The following AUTS2 variants were observed in gnomAD, a reference collection of about 807,000 sequenced individuals.
AUTS2 encodes the protein autism susceptibility gene 2 protein.
A neutral mutation model predicts 112.4 loss-of-function variants in AUTS2; 17 were observed. The ratio of observed to expected loss-of-function variants is 0.15; its 90% CI spans 0.10 to 0.23. The LOEUF (loss-of-function observed/expected upper bound fraction) is 0.23. AUTS2 is among the 10% of genes least tolerant of loss of function. The pLI, the probability that AUTS2 is intolerant of heterozygous loss-of-function variation, is 1.00. For missense variants in AUTS2, 1,510 were observed against 1,701.6 expected, an observed-to-expected ratio of 0.89 and a Z score of 1.98; for synonymous variants, 751 against 702.7, an observed-to-expected ratio of 1.07 and a Z score of -1.09.
intron 1 of AUTS2, among the ~76,000 whole-genome samples, chr7:69,770,413 G>C (rs1788609733): frequency 6.6e-6 from 1 of 152,170 alleles, no homozygotes; most frequent in African/African-American, 2.4e-5. Context: ...GAGTTCACAT[G>C]ATGGGTCGGT....
intron 4 of AUTS2, among the ~76,000 whole-genome samples, chr7:70,393,314 C>A (rs899010161): frequency 6.6e-6 from 1 of 152,266 alleles, no homozygotes; most frequent in South Asian, 2.1e-4. Flanking sequence ...AGATTCCCAG[C>A]GCATGTGTGC....
At chr7:70,364,936 C>G (rs1792498182) in intron 4 of AUTS2, among the ~76,000 whole-genome samples, 1 of 152,184 alleles carries the variant, frequency 6.6e-6, no homozygotes, top group Non-Finnish European at 1.5e-5. Flanking sequence ...TGGCACATAT[C>G]TCTCAGCAGT....
intron 1 of AUTS2, among the ~76,000 whole-genome samples, chr7:69,633,645 G>A (rs1794379145): frequency 6.6e-6 from 1 of 152,072 alleles, no homozygotes; most frequent in Admixed American, 6.5e-5. Context: ...TGTCCTAATG[G>A]GTGTGTAGTG....
At chr7:70,388,492 T>A (rs946681631) in intron 4 of AUTS2, among the ~76,000 whole-genome samples, 18 of 152,252 alleles carry the variant, frequency 1.2e-4, no homozygotes, top group African/African-American at 3.1e-4. Flanking sequence ...GTCAAGAGAG[T>A]TCTCAGTAGT....
At chr7:70,066,483 A>G (rs1256252168) in intron 2 of AUTS2, among the ~76,000 whole-genome samples, 1 of 151,066 alleles carries the variant, frequency 6.6e-6, no homozygotes, top group Non-Finnish European at 1.5e-5. Context: ...AATCATCTTT[A>G]TGTCCTAGTA....
chr7:70,383,770 G>A (rs538573465), intron 4 of AUTS2, among the ~76,000 whole-genome samples: 2 of 152,208 alleles, frequency 1.3e-5, no homozygotes, highest in South Asian at 2.1e-4. Flanking sequence ...ATCAGCCAGC[G>A]CAATGAAACA....
intron 1 of AUTS2, among the ~76,000 whole-genome samples, chr7:69,856,333 G>A (rs1792719336): frequency 6.6e-6 from 1 of 152,052 alleles, no homozygotes; most frequent in South Asian, 2.1e-4. Flanking sequence ...AGGCAGGCCT[G>A]GTGCCTAGAA....
At chr7:69,989,383 A>G (rs1200183791) in intron 2 of AUTS2, among the ~76,000 whole-genome samples, 1 of 152,180 alleles carries the variant, frequency 6.6e-6, no homozygotes, top group African/African-American at 2.4e-5. Flanking sequence ...GCAAAATTCT[A>G]GATTAGGTAG....
chr7:69,891,711 T>C (rs2129539253), intron 1 of AUTS2, among the ~76,000 whole-genome samples: 1 of 150,906 alleles, frequency 6.6e-6, no homozygotes, highest in Non-Finnish European at 1.5e-5. Flanking sequence ...TAAGTTGTAT[T>C]TCCCTAATGA....
At chr7:70,261,235 ATACT>A (rs1787155411) in intron 4 of AUTS2, among the ~76,000 whole-genome samples, 2 of 152,374 alleles carry the variant, frequency 1.3e-5, no homozygotes, top group Admixed American at 6.5e-5. Context: ...AAAAAGGTAC[ATACT>A]TAATAATTCC....
intron 1 of AUTS2, among the ~76,000 whole-genome samples, chr7:69,869,137 G>T (rs1363397962): frequency 6.6e-6 from 1 of 152,122 alleles, no homozygotes; most frequent in African/African-American, 2.4e-5. Context: ...ACAGAGTTAC[G>T]CAAGCGAAAT....
rs139458105 is a variant in AUTS2 at position 70,251,441 on chromosome 7, G to A, written c.660+116870G>A. Among the ~76,000 whole-genome samples, 287 of 152,096 alleles carry A rather than the reference G, an allele frequency of 1.9e-3. 3 individuals carry two copies. Among genetic ancestry groups the A allele is most frequent in the African/African-American group, 6.6e-3 (273 of 41,486 alleles). On this transcript the variant is annotated intron_variant, in intron 4 of 18. Coordinates refer to ENST00000342771, the MANE Select transcript of AUTS2 (RefSeq NM_015570.4). ...TCTTCTCTAAATGTACTCTTCCCCCGGGGTGACCACTTTTATCAGTTAAAT... is the reference window on the plus strand; with the variant it reads ...TCTTCTCTAAATGTACTCTTCCCCCAGGGTGACCACTTTTATCAGTTAAAT...
At chr7:69,937,089 G>A (rs1030651368) in intron 2 of AUTS2, among the ~76,000 whole-genome samples, 2 of 152,116 alleles carry the variant, frequency 1.3e-5, no homozygotes, top group Non-Finnish European at 2.9e-5. Context: ...GATGTGGAGT[G>A]GCCAGATGAC....
chr7:69,692,179 C>G (rs191762498), intron 1 of AUTS2, among the ~76,000 whole-genome samples: 1 of 152,184 alleles, frequency 6.6e-6, no homozygotes, highest in African/African-American at 2.4e-5. Context: ...CCCTGGCATT[C>G]CAAGTGCCAT....
intron 6 of AUTS2, among the ~76,000 whole-genome samples, chr7:70,761,516 A>G (rs1030516984): frequency 3.3e-5 from 5 of 152,242 alleles, no homozygotes; most frequent in Non-Finnish European, 7.3e-5. Context: ...TAATAAAAGG[A>G]TGCATCTTTT....
intron 1 of AUTS2, among the ~76,000 whole-genome samples, chr7:69,760,364 G>T (rs909464172): frequency 4.6e-5 from 7 of 151,476 alleles, no homozygotes; most frequent in Admixed American, 1.3e-4. Context: ...TTAAAATGAA[G>T]ATTTTTTTCA....
intron 4 of AUTS2, among the ~76,000 whole-genome samples, chr7:70,225,518 G>A (rs1811717044): frequency 6.6e-6 from 1 of 152,180 alleles, no homozygotes; most frequent in African/African-American, 2.4e-5. Flanking sequence ...TGCTTCAGAT[G>A]TTGAAGGCCC....
rs937403154 is a variant in AUTS2 at position 70,791,097 on chromosome 7, G to T, written c.*101G>T. 63 of 1,200,480 alleles carry T rather than the reference G, an allele frequency of 5.2e-5. No homozygotes were observed. Among genetic ancestry groups the T allele is most frequent in the Non-Finnish European group, 6.6e-5 (61 of 927,000 alleles). 74.4% of individuals were successfully genotyped at this position (1,200,480 alleles called of 1,614,324 possible). A position where few individuals can be genotyped will look rare whatever the true frequency, so the allele number is the denominator to read the frequency against. On this transcript the variant is annotated 3_prime_UTR_variant, in exon 19 of 19. Coordinates refer to ENST00000342771, the MANE Select transcript of AUTS2 (RefSeq NM_015570.4). Reference sequence around the variant, plus strand: ...TGCATGGCTCACACAGACTGGGGGGGAAAGCCCCACCCCTTCCCCTTGTAA... The same window carrying T: ...TGCATGGCTCACACAGACTGGGGGGTAAAGCCCCACCCCTTCCCCTTGTAA...
intron 2 of AUTS2, among the ~76,000 whole-genome samples, chr7:69,921,467 A>G (rs1055727970): frequency 3.3e-5 from 5 of 151,700 alleles, no homozygotes; most frequent in Admixed American, 2.6e-4. Flanking sequence ...CACAGATGCT[A>G]TTAAGATTAG....
Sources: gnomAD v4.1 joint callset for allele counts (sites outside exome capture counted in the v4.1 genomes callset) on GRCh38, gnomAD v4.1.1 for gene constraint, MANE v1.5 for transcripts, NCBI Gene and HGNC (gene_info 2026-07-23, HGNC 2026-07-21) for gene names.